FRMD6: variants seen among roughly 807,000 people sequenced by gnomAD.
FRMD6 encodes the protein FERM domain containing 6.
Under a neutral mutation model 73.2 loss-of-function variants are expected in FRMD6, and 37 were observed. That is an observed-to-expected ratio of 0.51 (90% confidence interval 0.39 to 0.66). FRMD6 has a LOEUF of 0.66. FRMD6 is among the 30% of genes least tolerant of loss of function. The pLI, the probability that FRMD6 is intolerant of heterozygous loss-of-function variation, is 0.00. For synonymous variants in FRMD6, 273 were observed against 282.2 expected, an observed-to-expected ratio of 0.97 and a Z score of 0.33; for missense variants, 714 against 780.5, an observed-to-expected ratio of 0.91 and a Z score of 1.02.
At chr14:51,449,621 C>T in the FRMD6 span, among the ~76,000 whole-genome samples, 1 of 152,068 alleles carries the variant, frequency 6.6e-6, no homozygotes, top group Non-Finnish European at 1.5e-5. Flanking sequence ...CAAAGAGTGT[C>T]ACCAAATTCT....
At chr14:51,484,285 A>G (rs1882722180), upstream of FRMD6, among the ~76,000 whole-genome samples, 1 of 152,202 alleles carries the variant, frequency 6.6e-6, no homozygotes, top group South Asian at 2.1e-4. Context: ...TCCTTCTGCT[A>G]TGGCCTGGAA....
At chr14:51,558,524 T>A (rs774342494) in intron 1 of FRMD6, among the ~76,000 whole-genome samples, 2 of 150,986 alleles carry the variant, frequency 1.3e-5, no homozygotes, top group Non-Finnish European at 3.0e-5. Flanking sequence ...ACTGAGTATA[T>A]AATATGGAAA....
chr14:51,467,391 C>G, the FRMD6 span, among the ~76,000 whole-genome samples: 4 of 152,214 alleles, frequency 2.6e-5, no homozygotes, highest in Non-Finnish European at 5.9e-5. Flanking sequence ...AGCAACAATC[C>G]GATCTCTCTT....
intron 1 of FRMD6, among the ~76,000 whole-genome samples, chr14:51,503,613 G>A (rs545747831): frequency 5.9e-5 from 9 of 151,918 alleles, no homozygotes; most frequent in African/African-American, 1.4e-4. Flanking sequence ...TGCTGGATTC[G>A]GTTTGCCAGT....
chr14:51,423,350 G>A, the FRMD6 span, among the ~76,000 whole-genome samples: 27 of 152,302 alleles, frequency 1.8e-4, no homozygotes, highest in African/African-American at 6.5e-4. Context: ...TCCACGCACT[G>A]CAGCCTTCCA....
In FRMD6 at chr14:51,704,844, C is replaced by G. The variant is rs139820991; in HGVS notation, c.467C>G (p.Ala156Gly). Residue 156 changes from alanine (A) to glycine (G), a missense_variant, in exon 6 of 14, where the codon GCA becomes GGA. Coordinates refer to ENST00000344768, the MANE Select transcript of FRMD6 (RefSeq NM_001267046.2). ...CGAGAGGAGGCCTACTTCCTGCTGG[C>G]AGCCTTTGCCCTGCAGGCTGATCTT... ...VLREEAYFLL[A>G]AFALQADLGN... 9 of 1,613,266 alleles carry G rather than the reference C, an allele frequency of 5.6e-6. No homozygotes were observed. The highest frequency in any genetic ancestry group is 1.3e-5 in the African/African-American group (1 of 74,874).
At chr14:51,518,197 T>G (rs986518918) in intron 1 of FRMD6, among the ~76,000 whole-genome samples, 3 of 152,252 alleles carry the variant, frequency 2.0e-5, no homozygotes, top group African/African-American at 7.2e-5. Flanking sequence ...GAGATTTATT[T>G]AATATGAATC....
the FRMD6 span, among the ~76,000 whole-genome samples, chr14:51,464,700 T>C: frequency 6.6e-6 from 1 of 152,134 alleles, no homozygotes; most frequent in Non-Finnish European, 1.5e-5. Flanking sequence ...AGGGGCTCAG[T>C]TCTGGGACTT....
chr14:51,591,290 C>CA (rs1258812383), intron 2 of FRMD6, among the ~76,000 whole-genome samples: 3 of 149,676 alleles, frequency 2.0e-5, no homozygotes, highest in East Asian at 2.0e-4. Context: ...CAAAACAAAA[C>CA]AAACAAAAAA....
At chr14:51,435,351 G>A in the FRMD6 span, among the ~76,000 whole-genome samples, 1 of 151,424 alleles carries the variant, frequency 6.6e-6, no homozygotes, top group East Asian at 1.9e-4. Context: ...TGAGGTGGGA[G>A]GATCACTTGA....
the FRMD6 span, among the ~76,000 whole-genome samples, chr14:51,426,470 TA>T: frequency 6.6e-6 from 1 of 152,202 alleles, no homozygotes. Flanking sequence ...CCTTGTACTA[TA>T]GTTTTTTTAA....
intron 2 of FRMD6, among the ~76,000 whole-genome samples, chr14:51,638,113 G>GT (rs1891653993): frequency 6.6e-6 from 1 of 152,230 alleles, no homozygotes; most frequent in Admixed American, 6.5e-5. Context: ...GTGAACCCTT[G>GT]TGTCTACAAA....
intron 2 of FRMD6, among the ~76,000 whole-genome samples, chr14:51,620,446 G>T (rs1890884625): frequency 6.6e-6 from 1 of 152,012 alleles, no homozygotes; most frequent in South Asian, 2.1e-4. Context: ...AGGGCAGAGG[G>T]GTGATGACTG....
chr14:51,451,072 C>T, the FRMD6 span, among the ~76,000 whole-genome samples: 1 of 152,096 alleles, frequency 6.6e-6, no homozygotes, highest in Non-Finnish European at 1.5e-5. Flanking sequence ...GAGGAATTTA[C>T]CAGGTGACAA....
At chr14:51,687,537 C>T (rs1594734129) in intron 1 of FRMD6, among the ~76,000 whole-genome samples, 1 of 151,882 alleles carries the variant, frequency 6.6e-6, no homozygotes, top group East Asian at 1.9e-4. Context: ...TCTATAGGAC[C>T]TTAATAGATA....
At chr14:51,530,855 C>T (rs1300989387) in intron 1 of FRMD6, among the ~76,000 whole-genome samples, 1 of 152,268 alleles carries the variant, frequency 6.6e-6, no homozygotes, top group Non-Finnish European at 1.5e-5. Context: ...CAGATACCAC[C>T]TTAACAAAGA....
At chr14:51,559,693 C>A (rs1054947722) in intron 1 of FRMD6, among the ~76,000 whole-genome samples, 1 of 152,092 alleles carries the variant, frequency 6.6e-6, no homozygotes. Flanking sequence ...AAATTCAGAA[C>A]CTTCCTTTGA....
chr14:51,656,663 C>T (rs1051142955), intron 1 of FRMD6, among the ~76,000 whole-genome samples: 4 of 152,136 alleles, frequency 2.6e-5, no homozygotes, highest in South Asian at 2.1e-4. Flanking sequence ...CTGCCCGCCT[C>T]GGCCTCCCAA....
chr14:51,524,964 C>G (rs1461319039), intron 1 of FRMD6, among the ~76,000 whole-genome samples: 4 of 51,702 alleles, frequency 7.7e-5, no homozygotes, highest in South Asian at 6.4e-4. Flanking sequence ...ACTTCTTTTT[C>G]TTTTTGTATC....
Sources: gnomAD v4.1 joint callset for allele counts (sites outside exome capture counted in the v4.1 genomes callset) on GRCh38, gnomAD v4.1.1 for gene constraint, MANE v1.5 for transcripts, NCBI Gene and HGNC (gene_info 2026-07-23, HGNC 2026-07-21) for gene names.